Variants in EML1 observed in about 807,000 individuals in gnomAD.
EML1 encodes EMAP like 1.
EML1 carries 27 observed loss-of-function variants against 110.4 expected under a neutral mutation model. The observed-to-expected ratio is 0.24, with a 90% confidence interval of 0.18 to 0.34. EML1 has a LOEUF of 0.34. Ranked by LOEUF, EML1 falls within the 10% of genes least tolerant of loss-of-function variation. The probability of loss-of-function intolerance (pLI) is 1.00; values close to 1 mark genes in which losing one functional copy is unlikely to be tolerated. For synonymous variants in EML1, 344 were observed against 385.8 expected (o/e 0.89, Z 1.27); for missense variants, 741 against 1,030.9 (o/e 0.72, Z 3.85).
chr14:99,753,187 G>GC (rs2057197158), intron 1 of EML1, among the ~76,000 whole-genome samples: 1 of 69,062 alleles, frequency 1.4e-5, no homozygotes, highest in South Asian at 5.9e-4. Flanking sequence ...CCCCCTACCC[G>GC]CACCCCCCGC....
upstream of EML1, among the ~76,000 whole-genome samples, chr14:99,790,411 C>G (rs187053501): frequency 4.6e-5 from 7 of 152,228 alleles, no homozygotes; most frequent in Admixed American, 4.6e-4. Context: ...AATCATAGCT[C>G]ACTGCAGCCT....
intron 17 of EML1, among the ~76,000 whole-genome samples, chr14:99,927,027 C>T (rs1016983409): frequency 1.8e-4 from 28 of 152,330 alleles, no homozygotes; most frequent in Admixed American, 1.4e-3. Context: ...GGATTACAGG[C>T]GTGAGCCACA....
chr14:99,921,588 G>A lies in EML1; in HGVS notation c.1909+711G>A, dbSNP rs897309887. ...ATGAACCCCATGTACTCATCCGCCA[G>A]CTTCAATGATGATCAGCTCTCAGCC... On this transcript the variant is annotated intron_variant, in intron 17 of 21. Transcript: ENST00000262233. 3.3e-5 allele frequency among the ~76,000 whole-genome samples: 5 copies of A among 152,270 alleles called. No homozygotes were observed. In the South Asian group the frequency reaches 1.0e-3, roughly 32 times the overall value.
intron 1 of EML1, among the ~76,000 whole-genome samples, chr14:99,830,138 G>T (rs752820427): frequency 1.3e-5 from 2 of 152,046 alleles, no homozygotes; most frequent in Non-Finnish European, 2.9e-5. Flanking sequence ...TAATTTCTTC[G>T]CATTCTTGCC....
At chr14:99,920,496 C>G (rs2060111697) in intron 16 of EML1, among the ~76,000 whole-genome samples, 1 of 152,170 alleles carries the variant, frequency 6.6e-6, no homozygotes, top group African/African-American at 2.4e-5. Flanking sequence ...TCTTCCCTGC[C>G]CAGAGCTTTC....
At chr14:99,756,979 A>G (rs933945868) in intron 1 of EML1, among the ~76,000 whole-genome samples, 1 of 152,202 alleles carries the variant, frequency 6.6e-6, no homozygotes, top group Admixed American at 6.5e-5. Flanking sequence ...TTCTACACAC[A>G]CATCCCCAGG....
chr14:99,871,236 C>T lies in EML1; in HGVS notation c.383+5590C>T, dbSNP rs147877483. Among the ~76,000 whole-genome samples the T allele has an allele frequency of 5.5e-3, 837 of 152,238 alleles. 11 individuals are homozygous for T. Among genetic ancestry groups the T allele is most frequent in the African/African-American group, 0.018 (761 of 41,560 alleles). ...CCTCTCAAAGTGCTGGGATTACAGG[C>T]GTGAGCCACCGCACCTGGCAAGGCA... On this transcript the variant is annotated intron_variant, in intron 3 of 21. Coordinates refer to ENST00000262233, the MANE Select transcript of EML1 (RefSeq NM_004434.3).
chr14:99,770,010 A>T (rs1332602681), upstream of EML1, among the ~76,000 whole-genome samples: 1 of 152,004 alleles, frequency 6.6e-6, no homozygotes, highest in Admixed American at 6.5e-5. Context: ...CCGCCTCTTT[A>T]CTTTGCTCAC....
chr14:99,782,108 A>C (rs755408599), intron 1 of EML1, among the ~76,000 whole-genome samples: 1 of 152,178 alleles, frequency 6.6e-6, no homozygotes, highest in Non-Finnish European at 1.5e-5. Context: ...GTCAGCTTGC[A>C]TGCTTGGGTA....
At chr14:99,763,562 C>A (rs1318025024) in intron 1 of EML1, among the ~76,000 whole-genome samples, 1 of 152,138 alleles carries the variant, frequency 6.6e-6, no homozygotes, top group Non-Finnish European at 1.5e-5. Flanking sequence ...GCCCCACCAG[C>A]CCTCAGAGAG....
At chr14:99,836,063 CAAA>C (rs200417086) in intron 1 of EML1, among the ~76,000 whole-genome samples, 1 of 78,916 alleles carries the variant, frequency 1.3e-5, no homozygotes, top group African/African-American at 4.8e-5. Context: ...TTGATATTTA[CAAA>C]ATAGCTTGCT....
intron 2 of EML1, among the ~76,000 whole-genome samples, chr14:99,860,901 C>T (rs1222404484): frequency 6.6e-6 from 1 of 151,996 alleles, no homozygotes; most frequent in Non-Finnish European, 1.5e-5. Context: ...TCTGATGCTA[C>T]TCTATGATAT....
chr14:99,897,541 G>A (rs1480916717), intron 7 of EML1, among the ~76,000 whole-genome samples: 1 of 152,090 alleles, frequency 6.6e-6, no homozygotes, highest in Non-Finnish European at 1.5e-5. Flanking sequence ...TCTTCTGTGT[G>A]GTCTCCTTGT....
rs921030728 is a variant in EML1, at chr14:99,936,871, C to T, written c.2095+537C>T. ...GGGCACTTACAAGCACATCCTCATG[C>T]CACGCACTGGTTCCTTAGACACCCA... On this transcript the variant is annotated intron_variant, in intron 19 of 21. Coordinates refer to ENST00000262233, the MANE Select transcript of EML1 (RefSeq NM_004434.3). The surrounding 1 kb of genome is among the most constrained non-coding windows in gnomAD (Gnocchi z 5.5). 6.6e-6 allele frequency among the ~76,000 whole-genome samples: 1 copy of T among 152,208 alleles called. No individual in the cohort carries two copies. Among genetic ancestry groups the T allele is most frequent in the African/African-American group, 2.4e-5 (1 of 41,462 alleles).
At chr14:99,867,967 C>T (rs894206511) in intron 3 of EML1, among the ~76,000 whole-genome samples, 2 of 152,028 alleles carry the variant, frequency 1.3e-5, no homozygotes, top group African/African-American at 4.8e-5. Context: ...TCAAATATGG[C>T]GTTTATTACA....
chr14:99,790,096 C>G (rs1351686101), upstream of EML1, among the ~76,000 whole-genome samples: 1 of 152,046 alleles, frequency 6.6e-6, no homozygotes, highest in Non-Finnish European at 1.5e-5. Flanking sequence ...CTGTTTAATA[C>G]TCTAGGTTAA....
chr14:99,865,701 C>G, intron 3 of EML1, 55 bp downstream of exon 3: 1 of 1,576,836 alleles, frequency 6.3e-7, no homozygotes, highest in East Asian at 2.3e-5. Flanking sequence ...CTCTTAGATT[C>G]CAACATGAGT....
At chr14:99,787,435 T>C (rs760773716) in intron 1 of EML1, among the ~76,000 whole-genome samples, 1 of 151,946 alleles carries the variant, frequency 6.6e-6, no homozygotes, top group Non-Finnish European at 1.5e-5. Flanking sequence ...CCTGCCACCA[T>C]GCCTGTCTAA....
In EML1 at chr14:99,907,846, G is replaced by A. The variant is rs74084639; in HGVS notation, c.1104+113G>A. ...CATTCCCACCCCAGCCCTTGTGTAT[G>A]ACGCCTTCACCTTAGAATCGTTTGG... On this transcript the variant is annotated intron_variant, in intron 10 of 21. Transcript: ENST00000262233. 7,805 of 909,624 alleles carry A rather than the reference G, an allele frequency of 8.6e-3. 446 individuals are homozygous for A. The African/African-American group carries it at 0.12, about 14-fold the overall frequency. 56.3% of individuals were successfully genotyped at this position (909,624 alleles called of 1,614,324 possible).
Sources: gnomAD v4.1 joint callset for allele counts (sites outside exome capture counted in the v4.1 genomes callset) on GRCh38, gnomAD v4.1.1 for gene constraint, Gnocchi (gnomAD v3.1) non-coding constraint, MANE v1.5 for transcripts, NCBI Gene and HGNC (gene_info 2026-07-23, HGNC 2026-07-21) for gene names.